The following KCNH6 variants were observed in gnomAD, a reference collection of about 807,000 sequenced individuals.
KCNH6 encodes voltage-gated inwardly rectifying potassium channel KCNH6.
A neutral mutation model predicts 83.4 loss-of-function variants in KCNH6; 81 were observed. The ratio of observed to expected loss-of-function variants is 0.97; its 90% confidence interval spans 0.81 to 1.17. The LOEUF is 1.17. KCNH6 is among the 50% of genes most tolerant of loss of function. The probability of loss-of-function intolerance (pLI) is 0.00; values close to 1 mark genes in which losing one functional copy is unlikely to be tolerated. For synonymous variants in KCNH6, 503 were observed against 545.6 expected (o/e 0.92, Z 1.09); for missense variants, 1,203 against 1,290.5 (o/e 0.93, Z 1.04).
At chr17:63,536,606 T>C (rs1433348031) in intron 6 of KCNH6, among the ~76,000 whole-genome samples, 7 of 151,086 alleles carry the variant, frequency 4.6e-5, no homozygotes, top group Non-Finnish European at 1.0e-4. Flanking sequence ...ATCGTGCCAC[T>C]GCACTTCAGC....
intron 2 of KCNH6, among the ~76,000 whole-genome samples, chr17:63,526,538 G>A (rs2031728453): frequency 6.6e-6 from 1 of 151,596 alleles, no homozygotes; most frequent in South Asian, 2.1e-4. Flanking sequence ...TTAATTTTTT[G>A]TAGGGATGGG....
At chr17:63,530,312 C>T (rs2032009999) in intron 3 of KCNH6, 25 bp from the exon 4 acceptor site, 12 of 1,614,088 alleles carry the variant, frequency 7.4e-6, no homozygotes, top group Middle Eastern at 1.6e-4. Flanking sequence ...GCCGTGGCTG[C>T]TCTGACTCCT....
chr17:63,547,915 G>A (rs1043864777), downstream of KCNH6, among the ~76,000 whole-genome samples: 1 of 148,458 alleles, frequency 6.7e-6, no homozygotes, highest in African/African-American at 2.5e-5. Flanking sequence ...AGTAAGCCAT[G>A]TTCATGCAAC....
intron 2 of KCNH6, among the ~76,000 whole-genome samples, chr17:63,528,580 G>A (rs1011012331): frequency 1.4e-4 from 21 of 152,150 alleles, no homozygotes; most frequent in Non-Finnish European, 2.2e-4. Context: ...GCCGGCCTGC[G>A]TCCCCCACAC....
In KCNH6 at chr17:63,530,346, A is replaced by G. The variant is rs2032012486; in HGVS notation, c.479A>G (p.His160Arg). 6.2e-7 allele frequency: 1 copy of G among 1,614,018 alleles called. No individual in the cohort carries two copies. The highest frequency in any genetic ancestry group is 1.1e-5 in the South Asian group (1 of 91,086). Residue 160 changes from histidine (H) to arginine (R), a missense_variant, in exon 4 of 13, where the codon CAT becomes CGT. Physicochemically the swap from His to Arg is conservative, Grantham distance 29 (BLOSUM62 0). Coordinates refer to ENST00000314672, the MANE Select transcript of KCNH6 (RefSeq NM_001278919.2). ...CTGGCCCTGGTTTCAGAGGGCTCTC[A>G]TGGCAGGCCAGGCGGACCAGGGCCA... is the stretch of plus-strand genomic sequence containing the variant. The part of the protein sequence containing the change: ...SQSFLGSEGS[H>R]GRPGGPGPGT...
chr17:63,541,270 A>G (rs904292283), intron 8 of KCNH6, among the ~76,000 whole-genome samples: 2 of 145,462 alleles, frequency 1.4e-5, no homozygotes, highest in African/African-American at 5.1e-5. Context: ...GCATGGACCT[A>G]GTCAGGTGCC....
chr17:63,530,208 G>T lies in KCNH6; in HGVS notation c.425G>T (p.Arg142Leu), dbSNP rs771454089. ...CAGCTCCTGGCCAAGTGCAGCAGCC[G>T]CAGCTTGTCCCAGCGCCTGTTGTCC... is the stretch of plus-strand genomic sequence containing the variant. Reference protein sequence around the residue: ...LAQLLAKCSSRSLSQRLLSQS... With the variant: ...LAQLLAKCSSLSLSQRLLSQS... The change falls in exon 3 of 13, where the codon CGC (arginine) becomes CTC (leucine). Residue 142 changes from arginine (R) to leucine (L), a missense_variant. Physicochemically the swap from Arg to Leu is moderately radical, Grantham distance 102. Coordinates refer to ENST00000314672, the MANE Select transcript of KCNH6 (RefSeq NM_001278919.2). 17 of 1,614,056 alleles carry T rather than the reference G, an allele frequency of 1.1e-5. No homozygotes were observed. Among genetic ancestry groups the T allele is most frequent in the Non-Finnish European group, 1.4e-5 (17 of 1,180,030 alleles).
intron 4 of KCNH6, among the ~76,000 whole-genome samples, chr17:63,532,872 G>A (rs1429120665): frequency 6.6e-6 from 1 of 151,896 alleles, no homozygotes; most frequent in Admixed American, 6.6e-5. Context: ...ACTGTGTAGA[G>A]CAGCACCTGC....
Position 63,542,422 on chromosome 17 carries a change from C to T in KCNH6, c.2136C>T (p.Phe712=). The stretch of plus-strand genomic sequence containing the variant: ...TCTGGAGTAAGCTGGAGGTCACCTT[C>T]AACCTGCGGGACGTGAGTCAGGGCC... ...ESFWSKLEVT[F]NLRDAAGGLH... Residue 712 remains phenylalanine (F), a synonymous_variant, in exon 9 of 13, where the codon TTC becomes TTT. Coordinates refer to ENST00000314672, the MANE Select transcript of KCNH6 (RefSeq NM_001278919.2). The T allele has an allele frequency of 6.2e-7, 1 of 1,614,056 alleles. No homozygotes were observed. Among genetic ancestry groups the T allele is most frequent in the South Asian group, 1.1e-5 (1 of 91,086 alleles).
intron 10 of KCNH6, 45 bp from the exon 11 acceptor site, chr17:63,544,204 T>C: frequency 6.3e-7 from 1 of 1,599,352 alleles, no homozygotes; most frequent in Non-Finnish European, 8.5e-7. Flanking sequence ...GTCAGGCCTG[T>C]GGAACCAGCT....
chr17:63,544,902 G>C (rs1465596389), intron 11 of KCNH6, among the ~76,000 whole-genome samples, 176 bp from the exon 12 acceptor site: 3 of 152,158 alleles, frequency 2.0e-5, no homozygotes, highest in Non-Finnish European at 4.4e-5. Context: ...AGAGTCAGGG[G>C]TGTACCAGGG....
At chr17:63,544,169 TG>T in intron 10 of KCNH6, 79 bp from the exon 11 acceptor site, 1 of 1,601,430 alleles carries the variant, frequency 6.2e-7, no homozygotes, top group Non-Finnish European at 8.5e-7. Context: ...AGGTAGGGGG[TG>T]GGGGACAGGC....
At chr17:63,526,004 A>G (rs780911004) in intron 2 of KCNH6, among the ~76,000 whole-genome samples, 8 of 152,140 alleles carry the variant, frequency 5.3e-5, no homozygotes, top group South Asian at 2.1e-4. Flanking sequence ...ATGGCTCTTG[A>G]GGTCCCCTCA....
At chr17:63,525,990 G>A (rs1597970949) in intron 2 of KCNH6, among the ~76,000 whole-genome samples, 1 of 152,216 alleles carries the variant, frequency 6.6e-6, no homozygotes, top group African/African-American at 2.4e-5. Context: ...AGGGATGTCA[G>A]GTGATGGCTC....
At chr17:63,542,920 T>G (rs1406394752) in intron 9 of KCNH6, among the ~76,000 whole-genome samples, 2 of 151,772 alleles carry the variant, frequency 1.3e-5, no homozygotes, top group African/African-American at 4.9e-5. Context: ...CATCCCTCAG[T>G]AGAGGAGATT....
At chr17:63,541,011 C>T (rs2147716934) in intron 8 of KCNH6, among the ~76,000 whole-genome samples, 1 of 152,362 alleles carries the variant, frequency 6.6e-6, no homozygotes, top group East Asian at 1.9e-4. Context: ...GAGCCCCTCC[C>T]TCCTCCATGG....
chr17:63,530,065 C>T (rs771890262), intron 2 of KCNH6, 26 bp from the exon 3 acceptor site: 1 of 1,610,512 alleles, frequency 6.2e-7, no homozygotes, highest in Non-Finnish European at 8.5e-7. Context: ...AGGGCCCACC[C>T]CCCATCCTCC....
chr17:63,527,025 G>T (rs2031761027), intron 2 of KCNH6, among the ~76,000 whole-genome samples: 1 of 152,138 alleles, frequency 6.6e-6, no homozygotes, highest in Non-Finnish European at 1.5e-5. Context: ...AGAGCACTCA[G>T]ATCCCCCCAC....
rs369519677 is a variant in KCNH6, at chr17:63,536,016, G to A, written c.1449G>A (p.Ser483=). ...SLTSVGFGNV[S]PNTNSEKVFS... ...CCAGCGTGGGCTTCGGCAATGTCTCGCCCAACACCAACTCCGAGAAGGTCT... is the reference window on the plus strand; with the variant it reads ...CCAGCGTGGGCTTCGGCAATGTCTCACCCAACACCAACTCCGAGAAGGTCT... Residue 483 remains serine, a synonymous_variant, in exon 6 of 13, where the codon TCG becomes TCA. Coordinates refer to ENST00000314672, the MANE Select transcript of KCNH6 (RefSeq NM_001278919.2). 7.4e-6 allele frequency: 12 copies of A among 1,613,656 alleles called. No individual in the cohort carries two copies. The highest frequency in any genetic ancestry group is 6.7e-5 in the East Asian group (3 of 44,896).
Sources: allele counts gnomAD v4.1 joint callset (sites outside exome capture counted in the v4.1 genomes callset), GRCh38; gene constraint gnomAD v4.1.1; transcripts MANE v1.5; gene names NCBI Gene and HGNC (gene_info 2026-07-23, HGNC 2026-07-21).